CREBZF: variants seen among roughly 807,000 people sequenced by gnomAD.
CREBZF encodes CREB/ATF bZIP transcription factor.
CREBZF carries 8 observed loss-of-function variants against 21.1 expected under a neutral mutation model. The ratio of observed to expected loss-of-function variants is 0.38; its 90% confidence interval spans 0.22 to 0.68. The LOEUF is 0.68. Ranked by LOEUF, CREBZF falls within the 30% of genes least tolerant of loss-of-function variation. CREBZF has a pLI of 0.51. For missense variants in CREBZF, 518 were observed against 484.3 expected, an observed-to-expected ratio of 1.07 and a Z score of -0.65; for synonymous variants, 270 against 223.3, an observed-to-expected ratio of 1.21 and a Z score of -1.86.
exon 1 of CREBZF, chr11:85,682,747 G>A: frequency 1.4e-6 from 1 of 699,412 alleles, no homozygotes; most frequent in East Asian, 2.7e-5. Context: ...TTCCAGAACC[G>A]TCCGGCCTCT....
At chr11:85,673,536 G>A (rs968360148) in intron 1 of CREBZF, among the ~76,000 whole-genome samples, 35 of 152,312 alleles carry the variant, frequency 2.3e-4, no homozygotes, top group African/African-American at 7.9e-4. Flanking sequence ...AGCCTTCAGT[G>A]AGTCACAATC....
chr11:85,660,066 C>T lies in CREBZF; in HGVS notation c.*3745G>A, dbSNP rs1471327110. 1 of 152,296 alleles carries T rather than the reference C, an allele frequency of 6.6e-6. No individual in the cohort carries two copies. Among genetic ancestry groups the T allele is most frequent in the Non-Finnish European group, 1.5e-5 (1 of 68,110 alleles). The allele number at this position is 152,296 out of a possible 1,614,324, so 9.4% of individuals were successfully genotyped here. On this transcript the variant is annotated 3_prime_UTR_variant, in exon 1 of 1. Transcript: ENST00000527447. The stretch of plus-strand genomic sequence containing the variant: ...AAGGACTACTCTTTATAGTTCAGAA[C>T]TTTACATTAACTTTTATATTCTACT...
chr11:85,682,054 G>T (rs1413810437), intron 1 of CREBZF, among the ~76,000 whole-genome samples: 1 of 152,184 alleles, frequency 6.6e-6, no homozygotes, highest in Non-Finnish European at 1.5e-5. Context: ...AAAATATGGG[G>T]CCGCTTGTTA....
In CREBZF at chr11:85,663,009, G is replaced by A. The variant is rs1426946389; in HGVS notation, c.*802C>T. On this transcript the variant is annotated 3_prime_UTR_variant, in exon 1 of 1. Coordinates refer to ENST00000527447, the MANE Select transcript of CREBZF (RefSeq NM_001039618.4). ...ATAGACTGTTTCTATATCTCATACT[G>A]AAAACTAAAAGGCATTGTTGATATT... 6.2e-6 allele frequency: 1 copy of A among 160,968 alleles called. No individual in the cohort carries two copies. Among genetic ancestry groups the A allele is most frequent in the African/African-American group, 2.4e-5 (1 of 41,504 alleles). 10.0% of individuals were successfully genotyped at this position (160,968 alleles called of 1,614,324 possible).
Position 85,664,538 on chromosome 11 carries a change from G to A in CREBZF, c.338C>T (p.Pro113Leu). 1.2e-6 allele frequency: 2 copies of A among 1,613,820 alleles called. No individual in the cohort carries two copies. Among genetic ancestry groups the A allele is most frequent in the Non-Finnish European group, 8.5e-7 (1 of 1,179,966 alleles). Residue 113 changes from proline (P) to leucine (L), a missense_variant, in exon 1 of 1, where the codon CCC becomes CTC. By Grantham distance (98) the Pro-to-Leu change is moderately conservative. Around this residue, in one of 3 missense-constraint regions of CREBZF, gnomAD observed 396 missense variants for 324.4 expected, o/e 1.22. Transcript: ENST00000527447. The surrounding 1 kb of genome is among the most constrained non-coding windows in gnomAD (Gnocchi z 5.5). ...SGLELADLLDPRQPDWHLDPG... is the reference protein window; with the variant it reads ...SGLELADLLDLRQPDWHLDPG... ...GTCCAGGTGCCAGTCCGGTTGCCTG[G>A]GGTCCAGGAGATCCGCCAGTTCCAG...
intron 1 of CREBZF, among the ~76,000 whole-genome samples, chr11:85,672,787 G>C (rs1485968394): frequency 6.6e-6 from 1 of 152,200 alleles, no homozygotes; most frequent in Non-Finnish European, 1.5e-5. Context: ...CCTAGCCTCA[G>C]AGATGATGTA....
intron 1 of CREBZF, among the ~76,000 whole-genome samples, chr11:85,675,169 A>AT (rs2082934297): frequency 1.3e-5 from 2 of 151,882 alleles, no homozygotes; most frequent in Non-Finnish European, 2.9e-5. Flanking sequence ...TTTCCTTCAA[A>AT]TTTTTTTTCT....
chr11:85,674,686 C>G (rs527557601), intron 1 of CREBZF, among the ~76,000 whole-genome samples: 2 of 152,194 alleles, frequency 1.3e-5, no homozygotes, highest in African/African-American at 4.8e-5. Flanking sequence ...CAATAAAAGG[C>G]CTTTTTGTCC....
upstream of CREBZF, among the ~76,000 whole-genome samples, chr11:85,669,430 A>T (rs1426003565): frequency 6.6e-6 from 1 of 151,506 alleles, no homozygotes; most frequent in Admixed American, 6.6e-5. Flanking sequence ...ACACACACAC[A>T]CACACACACT....
intron 1 of CREBZF, among the ~76,000 whole-genome samples, chr11:85,677,205 T>A (rs999147364): frequency 3.9e-5 from 6 of 152,262 alleles, no homozygotes; most frequent in Non-Finnish European, 8.8e-5. Flanking sequence ...CCTCAGGTGA[T>A]CCACGCACCT....
chr11:85,676,968 G>GTTTT (rs1565814476), intron 1 of CREBZF, among the ~76,000 whole-genome samples: 1 of 82,432 alleles, frequency 1.2e-5, no homozygotes, highest in African/African-American at 5.3e-5. Context: ...TTCTTTTTCT[G>GTTTT]TCTTTTTTTT....
At position 85,660,653 on chromosome 11, in the gene CREBZF, T is replaced by C. The variant is rs949075663; in HGVS notation, c.*3158A>G. 1 of 450,508 alleles carries C rather than the reference T, an allele frequency of 2.2e-6. No individual in the cohort carries two copies. Among genetic ancestry groups the C allele is most frequent in the African/African-American group, 2.0e-5 (1 of 49,616 alleles). 27.9% of individuals were successfully genotyped at this position (450,508 alleles called of 1,614,324 possible). A position where few individuals can be genotyped will look rare whatever the true frequency, so the allele number is the denominator to read the frequency against. ...TAGTGATTATAAAATGCACAAATAT[T>C]TAAAATATTTTGAACACTTCTTGTT... On this transcript the variant is annotated 3_prime_UTR_variant, in exon 1 of 1. Coordinates refer to ENST00000527447, the MANE Select transcript of CREBZF (RefSeq NM_001039618.4).
chr11:85,670,397 G>A (rs554532519), intron 1 of CREBZF, among the ~76,000 whole-genome samples: 53 of 127,768 alleles, frequency 4.1e-4, no homozygotes, highest in Non-Finnish European at 5.8e-4. Flanking sequence ...TCCACCTCCC[G>A]GGTTCACACC....
chr11:85,682,025 A>T (rs1303371931), intron 1 of CREBZF, among the ~76,000 whole-genome samples: 2 of 152,222 alleles, frequency 1.3e-5, no homozygotes, highest in Admixed American at 1.3e-4. Context: ...CTTCCTTGAT[A>T]GTACCCAGAA....
chr11:85,668,744 T>G (rs1350246331), upstream of CREBZF, among the ~76,000 whole-genome samples: 4 of 151,908 alleles, frequency 2.6e-5, no homozygotes. Context: ...GGCTCACGCC[T>G]GTAATCCCAG....
At chr11:85,671,914 T>A (rs1467698411) in intron 1 of CREBZF, among the ~76,000 whole-genome samples, 1 of 152,228 alleles carries the variant, frequency 6.6e-6, no homozygotes, top group African/African-American at 2.4e-5. Context: ...ACAGCTCCAC[T>A]AGGCAGTGCC....
rs144068836 is a variant in CREBZF at position 85,670,512 on chromosome 11, C to T, written n.148-6911G>A. Among the ~76,000 whole-genome samples the T allele has an allele frequency of 9.3e-3, 1,413 of 151,936 alleles. 23 individuals are homozygous for T. The highest frequency in any genetic ancestry group is 0.03 in the African/African-American group (1,259 of 41,430). ...AGAGCCGGGGTTTCACCATGTTAGC[C>T]AGGATGGTCTCGATCTCCTGACCTC... On this transcript the variant is annotated intron_variant and non_coding_transcript_variant, in intron 1 of 3. Coordinates refer to the CREBZF transcript ENST00000531515.
intron 1 of CREBZF, among the ~76,000 whole-genome samples, chr11:85,680,133 C>A (rs2082967387): frequency 6.6e-6 from 1 of 152,064 alleles, no homozygotes; most frequent in Admixed American, 6.5e-5. Flanking sequence ...TGCTAATACC[C>A]CTCTCCTCCT....
chr11:85,663,454 C>T lies in CREBZF; in HGVS notation c.*357G>A, dbSNP rs1279788677. 1.4e-6 allele frequency: 1 copy of T among 733,282 alleles called. No homozygotes were observed. The highest frequency in any genetic ancestry group is 2.4e-6 in the Non-Finnish European group (1 of 411,950). 45.4% of individuals were successfully genotyped at this position (733,282 alleles called of 1,614,324 possible). ...AAAAAAAAAATCACACACACACAAA[C>T]TGAGATGTTGCCCATTAAAGTAGAC... On this transcript the variant is annotated 3_prime_UTR_variant, in exon 1 of 1. Transcript: ENST00000527447.
Sources: allele counts gnomAD v4.1 joint callset (sites outside exome capture counted in the v4.1 genomes callset), GRCh38; gene constraint gnomAD v4.1.1; regional missense constraint gnomAD v4.1.1; non-coding constraint Gnocchi (gnomAD v3.1); transcripts MANE v1.5; gene names NCBI Gene and HGNC (gene_info 2026-07-23, HGNC 2026-07-21).